Variants in CBLN2 observed in about 807,000 individuals in gnomAD.
The protein encoded by CBLN2 is cerebellin-2.
Under a neutral mutation model 15.0 loss-of-function variants are expected in CBLN2, and 7 were observed. The observed-to-expected ratio is 0.47, with a 90% CI of 0.27 to 0.88. CBLN2 has a LOEUF of 0.88. CBLN2 is among the 40% of genes least tolerant of loss of function. The pLI is 0.14. For synonymous variants in CBLN2, 149 were observed against 135.2 expected (o/e 1.10, Z -0.71); for missense variants, 242 against 304.5 (o/e 0.79, Z 1.53).
In CBLN2 at chr18:72,542,739, G is replaced by A. The variant is rs115110580; in HGVS notation, c.-166-413C>T. Among the ~76,000 whole-genome samples, 523 of 152,192 alleles carry A rather than the reference G, an allele frequency of 3.4e-3. 4 individuals are homozygous for A. Among genetic ancestry groups the A allele is most frequent in the African/African-American group, 0.012 (503 of 41,510 alleles). ...AGCATTTCCTTGGAGCAGCACCAAG[G>A]AACCCTTTTCCTATCCCTTGTTTCC... On this transcript the variant is annotated intron_variant, in intron 2 of 4. Transcript: ENST00000269503.
chr18:72,570,424 T>TC (rs1265671821), intron 1 of CBLN2, among the ~76,000 whole-genome samples: 84 of 148,928 alleles, frequency 5.6e-4, no homozygotes, highest in Non-Finnish European at 8.4e-4. Context: ...TTTTTTTTTT[T>TC]TTTTTGTGGA....
intron 1 of CBLN2, among the ~76,000 whole-genome samples, chr18:72,571,297 A>G (rs549847206): frequency 6.6e-6 from 1 of 152,320 alleles, no homozygotes; most frequent in South Asian, 2.1e-4. Context: ...GTTTTACTAA[A>G]CGAGAGTGCA....
At chr18:72,623,287 A>G (rs1437161019) in intron 1 of CBLN2, among the ~76,000 whole-genome samples, 1 of 152,184 alleles carries the variant, frequency 6.6e-6, no homozygotes, top group East Asian at 1.9e-4. Context: ...ATGACCTGGT[A>G]AACACTTAAT....
rs138019788 is a variant in CBLN2 at position 72,636,277 on chromosome 18, G to A, written c.15+2048C>T. ...TTTAATTTTATTTTTACATAAGCAA[G>A]CATCTATTTTCTTCACTCAGTACAC... On this transcript the variant is annotated intron_variant, in intron 1 of 2. Coordinates refer to the CBLN2 transcript ENST00000581073. Among the ~76,000 whole-genome samples the A allele has an allele frequency of 5.2e-3, 798 of 152,240 alleles. 4 individuals carry two copies. Among genetic ancestry groups the A allele is most frequent in the Non-Finnish European group, 8.6e-3 (588 of 68,012 alleles).
intron 1 of CBLN2, among the ~76,000 whole-genome samples, chr18:72,619,814 A>G (rs1300231330): frequency 2.0e-5 from 3 of 152,252 alleles, no homozygotes; most frequent in Non-Finnish European, 2.9e-5. Flanking sequence ...ATATTGAATC[A>G]GGATATTTTC....
intron 1 of CBLN2, among the ~76,000 whole-genome samples, chr18:72,554,911 G>A (rs764176899): frequency 6.6e-5 from 10 of 152,202 alleles, no homozygotes; most frequent in Non-Finnish European, 1.3e-4. Context: ...CTAGATGGGC[G>A]GAACACTTGA....
intron 1 of CBLN2, among the ~76,000 whole-genome samples, chr18:72,549,707 A>G (rs958314213): frequency 6.6e-6 from 1 of 152,216 alleles, no homozygotes; most frequent in Non-Finnish European, 1.5e-5. Context: ...CAATTTGGGC[A>G]AGACAAATGA....
intron 1 of CBLN2, among the ~76,000 whole-genome samples, chr18:72,578,399 ACAC>A (rs2069381764): frequency 6.6e-6 from 1 of 152,166 alleles, no homozygotes; most frequent in African/African-American, 2.4e-5. Context: ...GGTAATGGAG[ACAC>A]CACCACCGCA....
chr18:72,574,139 T>C (rs1486586664), intron 1 of CBLN2, among the ~76,000 whole-genome samples: 5 of 152,222 alleles, frequency 3.3e-5, no homozygotes, highest in Non-Finnish European at 7.3e-5. Context: ...GTTGTTCATT[T>C]TGTTTATTGT....
chr18:72,630,240 G>T (rs1444382316), intron 1 of CBLN2, among the ~76,000 whole-genome samples: 3 of 152,194 alleles, frequency 2.0e-5, no homozygotes, highest in African/African-American at 4.8e-5. Context: ...GGGGTACAAA[G>T]GTGGACAGGA....
chr18:72,620,449 C>G lies in CBLN2; in HGVS notation c.15+17876G>C, dbSNP rs549565481. 2.0e-5 allele frequency: 3 copies of G among 152,358 alleles called. No homozygotes were observed. In the South Asian group the frequency reaches 6.2e-4, roughly 32 times the overall value. 9.4% of individuals were successfully genotyped at this position (152,358 alleles called of 1,614,324 possible). A position where few individuals can be genotyped will look rare whatever the true frequency, so the allele number is the denominator to read the frequency against. Reference sequence around the variant, plus strand: ...ATCTTCCCCTCAAGTCTGGCCATCTCTGGCAGGACTCTTCTTTGAAATCAA... The same window carrying G: ...ATCTTCCCCTCAAGTCTGGCCATCTGTGGCAGGACTCTTCTTTGAAATCAA... On this transcript the variant is annotated intron_variant, in intron 1 of 2. Transcript: ENST00000581073.
chr18:72,538,216 T>G lies in CBLN2; in HGVS notation c.635A>C (p.Lys212Thr). 1 of 1,614,088 alleles carries G rather than the reference T, an allele frequency of 6.2e-7. No individual in the cohort carries two copies. The highest frequency in any genetic ancestry group is 1.3e-5 in the African/African-American group (1 of 75,000). ...LERGNLMGGW[K>T]YSTFSGFLVF... Reference sequence around the variant, plus strand: ...CAAGAAGCCCGAGAATGTGGAGTATTTCCAGCCCCCCATGAGGTTGCCTCT... The same window carrying G: ...CAAGAAGCCCGAGAATGTGGAGTATGTCCAGCCCCCCATGAGGTTGCCTCT... The change falls in exon 5 of 5, where the codon AAA (lysine) becomes ACA (threonine). Residue 212 changes from lysine to threonine, a missense_variant. Physicochemically the swap from Lys to Thr is moderately conservative, Grantham distance 78 (BLOSUM62 -1). Transcript: ENST00000269503.
chr18:72,636,619 A>G (rs2069814651), intron 1 of CBLN2, among the ~76,000 whole-genome samples: 1 of 152,210 alleles, frequency 6.6e-6, no homozygotes, highest in African/African-American at 2.4e-5. Context: ...TAAAATTTTT[A>G]GGTGGCTTAT....
intron 1 of CBLN2, among the ~76,000 whole-genome samples, chr18:72,630,132 T>G (rs2069765210): frequency 6.6e-6 from 1 of 152,196 alleles, no homozygotes; most frequent in East Asian, 1.9e-4. Flanking sequence ...ATTTTGTACC[T>G]ATAAAACTGT....
intron 1 of CBLN2, among the ~76,000 whole-genome samples, chr18:72,597,607 G>T (rs1475307288): frequency 6.6e-6 from 1 of 152,200 alleles, no homozygotes; most frequent in Non-Finnish European, 1.5e-5. Context: ...ATCCAGCCAG[G>T]CTCATGTCCT....
rs2069113343 is a variant in CBLN2, at chr18:72,541,739, C to T, written c.357+65G>A. 9.6e-6 allele frequency: 13 copies of T among 1,360,762 alleles called. No individual in the cohort carries two copies. The South Asian group carries it at 1.5e-4, about 15-fold the overall frequency. The allele number at this position is 1,360,762 out of a possible 1,614,324, so 84.3% of individuals were successfully genotyped here. ...ACGTCCAAGAAGCCTGAACCCCAGC[C>T]CGCGCGCGCAGGTCCCCGCCCCTCT... On this transcript the variant is annotated intron_variant, in intron 3 of 4. Coordinates refer to ENST00000269503, the MANE Select transcript of CBLN2 (RefSeq NM_182511.4).
rs113397360 is a variant in CBLN2, at chr18:72,612,223, G to A, written c.15+26102C>T. Among the ~76,000 whole-genome samples, 1,377 of 152,162 alleles carry A rather than the reference G, an allele frequency of 9.0e-3. 25 individuals are homozygous for A. Among genetic ancestry groups the A allele is most frequent in the African/African-American group, 0.031 (1,293 of 41,502 alleles). On this transcript the variant is annotated intron_variant, in intron 1 of 2. Transcript: ENST00000581073. The stretch of plus-strand genomic sequence containing the variant: ...GCTTAGGATCACTTTGGCTAGTCAG[G>A]CTCTTTTTTGGTTTCACATGAATTT...
intron 1 of CBLN2, among the ~76,000 whole-genome samples, chr18:72,560,850 A>C (rs1025710652): frequency 6.6e-6 from 1 of 152,088 alleles, no homozygotes; most frequent in African/African-American, 2.4e-5. Context: ...CTACTAAAAA[A>C]TACAAAAAAT....
At chr18:72,539,098 T>C in intron 3 of CBLN2, 1 of 243,982 alleles carries the variant, frequency 4.1e-6, no homozygotes. Flanking sequence ...ATGGTAAGCT[T>C]GTTAAACAAA....
Sources: allele counts gnomAD v4.1 joint callset (sites outside exome capture counted in the v4.1 genomes callset), GRCh38; gene constraint gnomAD v4.1.1; transcripts MANE v1.5; gene names NCBI Gene and HGNC (gene_info 2026-07-23, HGNC 2026-07-21).